The following SLC2A4RG variants were observed in gnomAD, a reference collection of about 807,000 sequenced individuals.
SLC2A4RG encodes SLC2A4 regulator.
In SLC2A4RG, 23 loss-of-function variants were observed where a neutral mutation model predicts 35.5. The ratio of observed to expected loss-of-function variants is 0.65; its 90% CI spans 0.47 to 0.92. The LOEUF (loss-of-function observed/expected upper bound fraction) is 0.92, where lower values mean the gene tolerates loss of function less well. Ranked by LOEUF, SLC2A4RG falls within the 40% of genes least tolerant of loss-of-function variation. The probability of loss-of-function intolerance (pLI) is 0.00; values close to 1 mark genes in which losing one functional copy is unlikely to be tolerated. For missense variants in SLC2A4RG, 539 were observed against 525.0 expected, an observed-to-expected ratio of 1.03 and a Z score of -0.26; for synonymous variants, 306 against 243.7, an observed-to-expected ratio of 1.26 and a Z score of -2.38.
rs749491184 is a variant in SLC2A4RG at position 63,742,865 on chromosome 20, G to GC, written c.1053-14_1053-13insC. 157 of 1,606,106 alleles carry GC rather than the reference G, an allele frequency of 9.8e-5. 1 individual carries two copies. The highest frequency in any genetic ancestry group is 3.7e-4 in the Admixed American group (22 of 59,140). On this transcript the variant is annotated splice_polypyrimidine_tract_variant and intron_variant, in intron 7 of 7. Coordinates refer to ENST00000266077, the MANE Select transcript of SLC2A4RG (RefSeq NM_020062.4). ...GGTCTCACAGCACCCCATGTCCTGT[G>GC]ACCCCCCGCACAGGAAGCCCCGCGG... is the stretch of plus-strand genomic sequence containing the variant.
chr20:63,740,516 C>G lies in SLC2A4RG; in HGVS notation c.266C>G (p.Pro89Arg). The change falls in exon 2 of 8, where the codon CCC becomes CGC. Residue 89 changes from proline to arginine, a missense_variant. Physicochemically the swap from Pro to Arg is moderately radical, Grantham distance 103. Coordinates refer to ENST00000266077, the MANE Select transcript of SLC2A4RG (RefSeq NM_020062.4). ...AGPRTPSAHI[P>R]VPAQRATPGK... ...CCCCGGACTCCGTCGGCGCACATCC[C>G]CGTCCCAGCGCAGAGGTGAGCGGGA... 1.6e-6 allele frequency: 2 copies of G among 1,229,572 alleles called. No individual in the cohort carries two copies. The highest frequency in any genetic ancestry group is 2.0e-6 in the Non-Finnish European group (2 of 986,132). 76.2% of individuals were successfully genotyped at this position (1,229,572 alleles called of 1,614,324 possible). A position where few individuals can be genotyped will look rare whatever the true frequency, so the allele number is the denominator to read the frequency against.
In SLC2A4RG at chr20:63,742,103, G is replaced by A. The variant is rs759848848; in HGVS notation, c.580-27G>A. On this transcript the variant is annotated intron_variant, in intron 4 of 7. Transcript: ENST00000266077. ...AGGGAGGGGCGGGTGTGGCGGCTGA[G>A]CCTGACCCTGGCCCCTGTTGCTGCA... 1.9e-6 allele frequency: 3 copies of A among 1,603,734 alleles called. No homozygotes were observed. The South Asian group carries it at 3.3e-5, about 18-fold the overall frequency.
At position 63,742,009 on chromosome 20, in the gene SLC2A4RG, G is replaced by A. The variant is rs1476423931; in HGVS notation, c.532G>A (p.Glu178Lys). 1.9e-6 allele frequency: 3 copies of A among 1,612,724 alleles called. No individual in the cohort carries two copies. Among genetic ancestry groups the A allele is most frequent in the African/African-American group, 1.3e-5 (1 of 75,008 alleles). The change falls in exon 4 of 8, where the codon GAG (glutamate) becomes AAG (lysine). Residue 178 changes from glutamate (E) to lysine (K), a missense_variant. Physicochemically the swap from Glu to Lys is moderately conservative, Grantham distance 56. Coordinates refer to ENST00000266077, the MANE Select transcript of SLC2A4RG (RefSeq NM_020062.4). Reference sequence around the variant, plus strand: ...CACCCCGTCACCCCCACTGCCCCCCGAGGCAGCCCACTTTCTGTTTGGGGA... The same window carrying A: ...CACCCCGTCACCCCCACTGCCCCCCAAGGCAGCCCACTTTCTGTTTGGGGA... ...PSTPSPPLPP[E>K]AAHFLFGEPT...
At chr20:63,740,301 G>T (rs1169985850) in intron 1 of SLC2A4RG, 76 bp from the exon 2 acceptor site, 9 of 1,011,608 alleles carry the variant, frequency 8.9e-6, no homozygotes, top group Non-Finnish European at 1.0e-5. Context: ...GCGCCGAGCG[G>T]ATCCGCGGCG....
In SLC2A4RG at chr20:63,742,691, C is replaced by T. The variant is rs1356866751; in HGVS notation, c.961-8C>T. On this transcript the variant is annotated splice_polypyrimidine_tract_variant and splice_region_variant and intron_variant, in intron 6 of 7. Transcript: ENST00000266077. ...GGGGAGTGAAGCCCTGGCTGTGTCT[C>T]CCTGTAGGGCTGCCTGACGCCCGCC... is the stretch of plus-strand genomic sequence containing the variant. 1.3e-6 allele frequency: 2 copies of T among 1,598,528 alleles called. No homozygotes were observed. The highest frequency in any genetic ancestry group is 1.7e-6 in the Non-Finnish European group (2 of 1,173,384).
At chr20:63,740,301 G>A in intron 1 of SLC2A4RG, 76 bp from the exon 2 acceptor site, 1 of 1,011,716 alleles carries the variant, frequency 9.9e-7, no homozygotes, top group African/African-American at 1.7e-5. Flanking sequence ...GCGCCGAGCG[G>A]ATCCGCGGCG....
chr20:63,740,290 G>T, intron 1 of SLC2A4RG, 87 bp from the exon 2 acceptor site: 1 of 924,120 alleles, frequency 1.1e-6, no homozygotes, highest in Non-Finnish European at 1.4e-6. Flanking sequence ...TTTCGAGGCG[G>T]GCGCCGAGCG....
chr20:63,741,568 C>T (rs2092041633), intron 3 of SLC2A4RG, 89 bp downstream of exon 3: 14 of 1,284,974 alleles, frequency 1.1e-5, no homozygotes, highest in Non-Finnish European at 1.5e-5. Context: ...CAAGCAGAGC[C>T]CTCAAACCTG....
Position 63,742,717 on chromosome 20 carries a change from C to A in SLC2A4RG, c.979C>A (p.Arg327Ser). The A allele has an allele frequency of 6.3e-7, 1 of 1,595,606 alleles. No individual in the cohort carries two copies. ...RVYQGCLTPA[R>S]LEPQPTEVGA... ...CCTGTAGGGCTGCCTGACGCCCGCC[C>A]GCCTGGAGCCGCAGCCCACGGAGGT... Residue 327 changes from arginine to serine, a missense_variant, in exon 7 of 8, where the codon CGC (arginine) becomes AGC (serine). Transcript: ENST00000266077.
At position 63,740,546 on chromosome 20, in the gene SLC2A4RG, C is replaced by G. The variant is rs1362675464; in HGVS notation, c.281+15C>G. On this transcript the variant is annotated intron_variant, in intron 2 of 7. Coordinates refer to ENST00000266077, the MANE Select transcript of SLC2A4RG (RefSeq NM_020062.4). Reference sequence around the variant, plus strand: ...CCAGCGCAGAGGTGAGCGGGAGGCCCGGTGCCTCGGGACTCGGTGTGCGCA... The same window carrying G: ...CCAGCGCAGAGGTGAGCGGGAGGCCGGGTGCCTCGGGACTCGGTGTGCGCA... The G allele has an allele frequency of 1.1e-5, 14 of 1,228,684 alleles. No individual in the cohort carries two copies. The Admixed American group carries it at 3.4e-4, about 30-fold the overall frequency. The allele number at this position is 1,228,684 out of a possible 1,614,324, so 76.1% of individuals were successfully genotyped here.
At chr20:63,740,697 C>T (rs1384520030) in intron 2 of SLC2A4RG, among the ~76,000 whole-genome samples, 166 bp downstream of exon 2, 1 of 152,210 alleles carries the variant, frequency 6.6e-6, no homozygotes, top group Non-Finnish European at 1.5e-5. Context: ...TGATCGATGA[C>T]TGGGAGTCCC....
chr20:63,740,673 G>T, intron 2 of SLC2A4RG, 142 bp downstream of exon 2: 1 of 844,156 alleles, frequency 1.2e-6, no homozygotes, highest in Non-Finnish European at 1.6e-6. Context: ...AGCCCTGGAG[G>T]AGCTGAGCAG....
rs756450289 is a variant in SLC2A4RG, at chr20:63,742,798, T to G, written c.1052+8T>G. ...GATCGGAGTCACCCTGAGGTGCGTG[T>G]GGGCTGAGGGCCTGCGGCTGGCACC... is the stretch of plus-strand genomic sequence containing the variant. On this transcript the variant is annotated splice_region_variant and intron_variant, in intron 7 of 7. Coordinates refer to ENST00000266077, the MANE Select transcript of SLC2A4RG (RefSeq NM_020062.4). 6.3e-7 allele frequency: 1 copy of G among 1,578,360 alleles called. No individual in the cohort carries two copies. The highest frequency in any genetic ancestry group is 8.6e-7 in the Non-Finnish European group (1 of 1,161,602).
Position 63,742,548 on chromosome 20 carries a change from T to TGCCCCC in SLC2A4RG, c.900_905dup (p.Pro301_Pro302dup), listed in dbSNP as rs1568813808. 2.6e-6 allele frequency: 4 copies of TGCCCCC among 1,524,166 alleles called. No individual in the cohort carries two copies. Among genetic ancestry groups the TGCCCCC allele is most frequent in the East Asian group, 4.7e-5 (2 of 42,588 alleles). The allele number at this position is 1,524,166 out of a possible 1,614,324, so 94.4% of individuals were successfully genotyped here. A position where few individuals can be genotyped will look rare whatever the true frequency, so the allele number is the denominator to read the frequency against. ...CCCCTGCGGCCGCCTGCCCCGCCCCTGCCCCCGCCCCCTGTCCTGAGCACC... is the reference window on the plus strand; with the variant it reads ...CCCCTGCGGCCGCCTGCCCCGCCCCTGCCCCCGCCCCCGCCCCCTGTCCTGAGCACC... On this transcript the variant is annotated inframe_insertion, in exon 6 of 8. Coordinates refer to ENST00000266077, the MANE Select transcript of SLC2A4RG (RefSeq NM_020062.4).
rs1601366086 is a variant in SLC2A4RG at position 63,741,375 on chromosome 20, C to A, written c.287C>A (p.Thr96Asn). 6.2e-7 allele frequency: 1 copy of A among 1,612,712 alleles called. No homozygotes were observed. The change falls in exon 3 of 8, where the codon ACC becomes AAC. Residue 96 changes from threonine (T) to asparagine (N), a missense_variant. By Grantham distance (65) the Thr-to-Asn change is moderately conservative (BLOSUM62 0). Transcript: ENST00000266077. ...AHIPVPAQRA[T>N]PGKARLDEVM... ...CCCGCCCCCATCTCCTCCAGAGCCA[C>A]CCCAGGAAAAGCCCGGCTGGACGAG...
Position 63,743,411 on chromosome 20 carries a change from C to CTGT in SLC2A4RG, c.*423_*425dup, listed in dbSNP as rs2092056144. 1 of 162,912 alleles carries CTGT rather than the reference C, an allele frequency of 6.1e-6. No individual in the cohort carries two copies. Among genetic ancestry groups the CTGT allele is most frequent in the Admixed American group, 5.9e-5 (1 of 17,070 alleles). The allele number at this position is 162,912 out of a possible 1,614,324, so 10.1% of individuals were successfully genotyped here. ...ACTCAACGGCTCTCGGGCCCTGGGG[C>CTGT]TGTTTTTACCATGTTTGTTTTTGAA... On this transcript the variant is annotated 3_prime_UTR_variant, in exon 8 of 8. Coordinates refer to ENST00000266077, the MANE Select transcript of SLC2A4RG (RefSeq NM_020062.4).
intron 2 of SLC2A4RG, 87 bp downstream of exon 2, chr20:63,740,618 G>T: frequency 8.4e-7 from 1 of 1,192,290 alleles, no homozygotes; most frequent in Non-Finnish European, 1.0e-6. Flanking sequence ...CGGAGGCCAG[G>T]TCAGGGCCCC....
Position 63,742,216 on chromosome 20 carries a change from C to T in SLC2A4RG, c.666C>T (p.Arg222=). ...STASAMQRHI[R]LVHLGRQAEP... is the part of the protein sequence containing the mutation. ...CGTCGGCGATGCAGAGACACATCCGCCTGGTGCACCTGGGGTGCGGCGGGG... is the reference window on the plus strand; with the variant it reads ...CGTCGGCGATGCAGAGACACATCCGTCTGGTGCACCTGGGGTGCGGCGGGG... The change falls in exon 5 of 8, where the codon CGC becomes CGT. Residue 222 remains arginine, a synonymous_variant. Transcript: ENST00000266077. 7 of 1,595,700 alleles carry T rather than the reference C, an allele frequency of 4.4e-6. No individual in the cohort carries two copies. Among genetic ancestry groups the T allele is most frequent in the Non-Finnish European group, 5.1e-6 (6 of 1,171,564 alleles).
rs1568814152 is a variant in SLC2A4RG, at chr20:63,742,735, ACGG to A, written c.998_1000del (p.Thr333_Glu334delinsLys). On this transcript the variant is annotated inframe_deletion, in exon 7 of 8. Transcript: ENST00000266077. Reference sequence around the variant, plus strand: ...GCCCGCCCGCCTGGAGCCGCAGCCCACGGAGGTCGGAGCCTGCCCACCCGCCTT... The same window carrying A: ...GCCCGCCCGCCTGGAGCCGCAGCCCAAGGTCGGAGCCTGCCCACCCGCCTT... 6.3e-7 allele frequency: 1 copy of A among 1,597,234 alleles called. No individual in the cohort carries two copies. The highest frequency in any genetic ancestry group is 8.5e-7 in the Non-Finnish European group (1 of 1,173,184).
Sources: allele counts gnomAD v4.1 joint callset (sites outside exome capture counted in the v4.1 genomes callset), GRCh38; gene constraint gnomAD v4.1.1; transcripts MANE v1.5; gene names NCBI Gene and HGNC (gene_info 2026-07-23, HGNC 2026-07-21).